The following DMD variants were observed in gnomAD, a reference collection of about 807,000 sequenced individuals.
DMD encodes the protein mutant dystrophin.
A neutral mutation model predicts 330.1 loss-of-function variants in DMD; 63 were observed. The ratio of observed to expected loss-of-function variants is 0.19; its 90% CI spans 0.16 to 0.24. DMD has a LOEUF of 0.24. Among genes scored for constraint, DMD ranks in the 10% least tolerant of loss-of-function variants. The pLI is 1.00. For synonymous variants in DMD, 1,223 were observed against 959.8 expected, an observed-to-expected ratio of 1.27 and a Z score of -5.07; for missense variants, 3,344 against 2,684.1, an observed-to-expected ratio of 1.25 and a Z score of -5.43.
At chrX:33,026,311 CTCAAAAAAAA>C (rs2093998330) in intron 1 of DMD, among the ~76,000 whole-genome samples, 1 of 18,343 alleles carries the variant, frequency 5.5e-5, no homozygotes, top group African/African-American at 2.4e-4. Flanking sequence ...GAGACTCCGT[CTCAAAAAAAA>C]AAAAAAAAAA....
intron 50 of DMD, among the ~76,000 whole-genome samples, chrX:31,782,005 T>C (rs146008502): frequency 9.0e-6 from 1 of 111,380 alleles, no homozygotes; most frequent in African/African-American, 3.3e-5. Context: ...TCCTCAGAAG[T>C]AGAAATTAAG....
chrX:31,356,010 G>A (rs1602112111), intron 60 of DMD, among the ~76,000 whole-genome samples: 1 of 111,383 alleles, frequency 9.0e-6, no homozygotes. Flanking sequence ...ATAGCTCTGC[G>A]GCAAAACAAC....
chrX:31,576,962 G>A (rs918003756), intron 55 of DMD, among the ~76,000 whole-genome samples: 21 of 110,412 alleles, frequency 1.9e-4, no homozygotes, highest in Non-Finnish European at 4.0e-4. Context: ...TGATCCGCCC[G>A]CCTCGGCCTC....
At chrX:32,178,830 G>GGGGTGT (rs1418117121) in intron 44 of DMD, among the ~76,000 whole-genome samples, 1 of 99,176 alleles carries the variant, frequency 1.0e-5, no homozygotes, top group African/African-American at 3.8e-5. Flanking sequence ...TATTCCAGGG[G>GGGGTGT]GTGTGTGTGT....
rs747786161 is a variant in DMD at position 32,725,753 on chromosome X, A to T, written c.650-26460T>A. ...ATGGGTACAAAAATTCCTTAGAAAG[A>T]ATAAAACATAGTATTTGCGAGCACA... On this transcript the variant is annotated intron_variant, in intron 7 of 78. Coordinates refer to ENST00000357033, the MANE Select transcript of DMD (RefSeq NM_004006.3). 6.3e-5 allele frequency among the ~76,000 whole-genome samples: 7 copies of T among 110,647 alleles called. No homozygotes were observed. The East Asian group carries it at 2.0e-3, about 31-fold the overall frequency.
intron 62 of DMD, among the ~76,000 whole-genome samples, chrX:31,303,265 AG>A (rs2054790278): frequency 8.9e-6 from 1 of 111,779 alleles, no homozygotes; most frequent in African/African-American, 3.3e-5. Context: ...GCTATATACA[AG>A]TAATATGTAA....
At chrX:32,276,808 C>T (rs899878452) in intron 43 of DMD, among the ~76,000 whole-genome samples, 1 of 110,421 alleles carries the variant, frequency 9.1e-6, no homozygotes, top group East Asian at 2.9e-4. Flanking sequence ...TAATCTCAGC[C>T]TCTTGGGGGG....
At chrX:33,110,206 C>A (rs775900173) in intron 1 of DMD, among the ~76,000 whole-genome samples, 39 of 110,710 alleles carry the variant, frequency 3.5e-4, no homozygotes, top group African/African-American at 1.3e-3. Flanking sequence ...GCATATGGTA[C>A]AAGCCTCTGT....
At chrX:32,392,523 G>T (rs756835297) in intron 30 of DMD, among the ~76,000 whole-genome samples, 1 of 111,428 alleles carries the variant, frequency 9.0e-6, no homozygotes, top group Non-Finnish European at 1.9e-5. Context: ...GCTTCCCAAA[G>T]TGCTGGGATT....
At chrX:32,351,553 G>A (rs1410763218) in intron 37 of DMD, among the ~76,000 whole-genome samples, 1 of 108,813 alleles carries the variant, frequency 9.2e-6, no homozygotes, top group Non-Finnish European at 1.9e-5. Flanking sequence ...ACAGTCAGTG[G>A]GGTGTGTTCC....
intron 19 of DMD, among the ~76,000 whole-genome samples, chrX:32,497,677 G>T (rs1365849847): frequency 1.8e-5 from 2 of 111,815 alleles, no homozygotes; most frequent in Non-Finnish European, 3.8e-5. Flanking sequence ...TGATGAGACT[G>T]TATGTACTCA....
intron 55 of DMD, among the ~76,000 whole-genome samples, chrX:31,541,616 G>A (rs1389137786): frequency 9.2e-6 from 1 of 109,191 alleles, no homozygotes; most frequent in Non-Finnish European, 1.9e-5. Context: ...GTGATAGTTT[G>A]CTCAGAATGA....
chrX:32,927,424 G>A (rs1303383282), intron 2 of DMD, among the ~76,000 whole-genome samples: 1 of 93,216 alleles, frequency 1.1e-5, no homozygotes, highest in Non-Finnish European at 2.1e-5. Flanking sequence ...GCTGGAGTAT[G>A]ATGGCCAGAT....
chrX:33,204,227 G>A (rs2051439699), intron 1 of DMD, among the ~76,000 whole-genome samples: 1 of 111,726 alleles, frequency 9.0e-6, no homozygotes, highest in African/African-American at 3.3e-5. Flanking sequence ...AGTATAAAGA[G>A]AAAAATAATT....
chrX:33,190,863 TTA>T (rs749473938), intron 1 of DMD, among the ~76,000 whole-genome samples: 8 of 2,070 alleles, frequency 3.9e-3, no homozygotes, highest in South Asian at 0.028. Context: ...ATATATAATA[TTA>T]TATATATATA....
intron 34 of DMD, among the ~76,000 whole-genome samples, chrX:32,373,390 G>A (rs185584580): frequency 4.6e-5 from 5 of 108,180 alleles, no homozygotes; most frequent in African/African-American, 1.3e-4. Flanking sequence ...TAGTTCAGGA[G>A]TTTGAATATG....
intron 4 of DMD, among the ~76,000 whole-genome samples, chrX:32,840,480 C>G (rs1258060351): frequency 9.0e-6 from 1 of 111,123 alleles, no homozygotes; most frequent in Non-Finnish European, 1.9e-5. Context: ...GAAAAATATA[C>G]ATAAGTGTAC....
intron 60 of DMD, among the ~76,000 whole-genome samples, chrX:31,354,418 A>G (rs1201489438): frequency 9.3e-6 from 1 of 107,379 alleles, no homozygotes; most frequent in Non-Finnish European, 1.9e-5. Flanking sequence ...CCTTTCTTCC[A>G]TTTTTGATGA....
At chrX:31,946,751 A>G (rs1268417535) in intron 45 of DMD, among the ~76,000 whole-genome samples, 1 of 110,638 alleles carries the variant, frequency 9.0e-6, no homozygotes, top group African/African-American at 3.3e-5. Context: ...CTGACATAGC[A>G]CTTAGGAGAA....
Sources: allele counts gnomAD v4.1 joint callset (sites outside exome capture counted in the v4.1 genomes callset), GRCh38; gene constraint gnomAD v4.1.1; transcripts MANE v1.5; gene names NCBI Gene and HGNC (gene_info 2026-07-23, HGNC 2026-07-21).